The following PUDP variants were observed in gnomAD, a reference collection of about 807,000 sequenced individuals.
The protein encoded by PUDP is pseudouridine-5'-phosphatase.
Under a neutral mutation model 9.4 loss-of-function variants are expected in PUDP, and 8 were observed. That is an observed-to-expected ratio of 0.85 (90% CI 0.50 to 1.53). The LOEUF is 1.53. Among genes scored for constraint, PUDP ranks in the 40% most tolerant of loss-of-function variants. PUDP has a pLI of 0.00. For missense variants in PUDP, 188 were observed against 189.7 expected (o/e 0.99, Z 0.05); for synonymous variants, 99 against 80.7 (o/e 1.23, Z -1.22).
intron 1 of PUDP, among the ~76,000 whole-genome samples, chrX:7,107,371 G>T (rs1931913779): frequency 8.9e-6 from 1 of 112,489 alleles, no homozygotes; most frequent in Non-Finnish European, 1.9e-5. Flanking sequence ...CACACTGAGG[G>T]AAGTAACGTG....
chrX:7,028,084 T>G, intron 1 of PUDP, among the ~76,000 whole-genome samples: 1 of 106,759 alleles, frequency 9.4e-6, no homozygotes, highest in South Asian at 4.1e-4. Flanking sequence ...ACTTTATTAT[T>G]GTTTGATATA....
At chrX:6,821,648 A>C (rs776856175) in intron 3 of PUDP, among the ~76,000 whole-genome samples, 8 of 112,052 alleles carry the variant, frequency 7.1e-5, no homozygotes, top group African/African-American at 2.6e-4. Flanking sequence ...GTCCTCGGTA[A>C]GGCTTCCCTT....
At chrX:6,751,368 C>T (rs113431457) in intron 3 of PUDP, among the ~76,000 whole-genome samples, 422 of 111,164 alleles carry the variant, frequency 3.8e-3, no homozygotes, top group African/African-American at 0.013. Flanking sequence ...CAATTCCCTT[C>T]GCAAAGTCTC....
Position 6,884,204 on chromosome X carries a change from G to T in PUDP, c.*247+92929C>A, listed in dbSNP as rs904398886. On this transcript the variant is annotated intron_variant and NMD_transcript_variant, in intron 3 of 3. Coordinates refer to the PUDP transcript ENST00000655425. ...TACTCTTATTGTGAGGGCTTCTGTTGACGTTTTCAAACAATTTGAGTTTTG... is the reference window on the plus strand; with the variant it reads ...TACTCTTATTGTGAGGGCTTCTGTTTACGTTTTCAAACAATTTGAGTTTTG... Among the ~76,000 whole-genome samples, 18 of 111,426 alleles carry T rather than the reference G, an allele frequency of 1.6e-4. No homozygotes were observed. In the Admixed American group the frequency reaches 1.7e-3, roughly 11 times the overall value.
At chrX:7,102,317 C>CAAAAAAAAAAA (rs201420593) in intron 2 of PUDP, among the ~76,000 whole-genome samples, 1 of 56,653 alleles carries the variant, frequency 1.8e-5, no homozygotes, top group African/African-American at 6.6e-5. Flanking sequence ...AATAAGGAAC[C>CAAAAAAAAAAA]AAAAAAAAAA....
chrX:6,981,812 G>T (rs958975301), intron 1 of PUDP, among the ~76,000 whole-genome samples: 1 of 110,943 alleles, frequency 9.0e-6, no homozygotes, highest in Admixed American at 9.7e-5. Context: ...ATTGGACACA[G>T]ACCTTCAGAT....
At chrX:6,734,936 A>G (rs776203285) in intron 3 of PUDP, among the ~76,000 whole-genome samples, 3 of 112,033 alleles carry the variant, frequency 2.7e-5, no homozygotes, top group Non-Finnish European at 5.6e-5. Flanking sequence ...TTATCAATAC[A>G]AAGCTGGAAT....
chrX:6,936,982 G>A (rs1928313522), intron 3 of PUDP, among the ~76,000 whole-genome samples: 1 of 95,974 alleles, frequency 1.0e-5, no homozygotes, highest in African/African-American at 3.8e-5. Context: ...AAATAAAAGA[G>A]GATACAAACA....
chrX:6,894,717 G>C (rs977854612), intron 3 of PUDP, among the ~76,000 whole-genome samples: 3 of 111,311 alleles, frequency 2.7e-5, no homozygotes, highest in Non-Finnish European at 5.7e-5. Context: ...GGATGGTGTG[G>C]GGGGGTTGGT....
chrX:6,949,610 T>C (rs1339281486), intron 3 of PUDP, among the ~76,000 whole-genome samples: 1 of 112,882 alleles, frequency 8.9e-6, no homozygotes, highest in African/African-American at 3.2e-5. Flanking sequence ...TAAAATGTTC[T>C]TTCTTTTTCT....
At chrX:6,854,827 G>A (rs1284002342) in intron 3 of PUDP, among the ~76,000 whole-genome samples, 1 of 109,223 alleles carries the variant, frequency 9.2e-6, no homozygotes, top group Non-Finnish European at 1.9e-5. Context: ...TGTCAGAGGG[G>A]TGCAGAGGTG....
At chrX:6,871,166 TG>T (rs1257533637) in intron 3 of PUDP, among the ~76,000 whole-genome samples, 1 of 111,833 alleles carries the variant, frequency 8.9e-6, no homozygotes, top group Admixed American at 9.5e-5. Flanking sequence ...AGGGCAAATC[TG>T]TAGCACTATT....
At chrX:6,886,956 T>C (rs1048665079) in intron 3 of PUDP, among the ~76,000 whole-genome samples, 2 of 108,404 alleles carry the variant, frequency 1.8e-5, no homozygotes, top group African/African-American at 6.7e-5. Flanking sequence ...TGGCAAAGGA[T>C]AGTCAAAGAA....
At chrX:6,994,728 C>T (rs940413890) in intron 1 of PUDP, among the ~76,000 whole-genome samples, 1 of 111,798 alleles carries the variant, frequency 8.9e-6, no homozygotes, top group Non-Finnish European at 1.9e-5. Context: ...ATATGACAAA[C>T]GGCAGCTGCT....
intron 3 of PUDP, among the ~76,000 whole-genome samples, chrX:6,767,686 G>C (rs1158431208): frequency 8.9e-6 from 1 of 112,014 alleles, no homozygotes; most frequent in Non-Finnish European, 1.9e-5. Context: ...TTTGCTTGAA[G>C]TTCTTTTTCA....
chrX:7,095,818 G>A (rs747404779), intron 2 of PUDP, among the ~76,000 whole-genome samples: 1 of 112,374 alleles, frequency 8.9e-6, no homozygotes, highest in South Asian at 3.7e-4. Context: ...AGCTGACCTG[G>A]GTGCTTCCTG....
chrX:6,733,769 C>A (rs769286873), intron 3 of PUDP, among the ~76,000 whole-genome samples: 6 of 59,762 alleles, frequency 1.0e-4, no homozygotes, highest in African/African-American at 3.3e-4. Context: ...TAAAGCAAAG[C>A]CTTTTTTTTT....
chrX:6,997,394 A>G (rs1318318351), intron 1 of PUDP, among the ~76,000 whole-genome samples: 2 of 112,242 alleles, frequency 1.8e-5, no homozygotes, highest in Admixed American at 9.5e-5. Flanking sequence ...CTCTTTCAGA[A>G]TAGCCTGCAG....
chrX:6,824,074 AGTTTC>A (rs78007173), intron 3 of PUDP, among the ~76,000 whole-genome samples: 6,384 of 111,402 alleles, frequency 0.057, 160 homozygotes, highest in South Asian at 0.073. Context: ...CTTGAATAGT[AGTTTC>A]TATAATCCTC....
Sources: gnomAD v4.1 joint callset for allele counts (sites outside exome capture counted in the v4.1 genomes callset) on GRCh38, gnomAD v4.1.1 for gene constraint, MANE v1.5 for transcripts, NCBI Gene and HGNC (gene_info 2026-07-23, HGNC 2026-07-21) for gene names.